Variants in DSCAM observed in about 807,000 individuals in gnomAD.
DSCAM encodes DS cell adhesion molecule.
Under a neutral mutation model 217.7 loss-of-function variants are expected in DSCAM, and 47 were observed. That is an observed-to-expected ratio of 0.22 (90% CI 0.17 to 0.28). The LOEUF is 0.28. Among genes scored for constraint, DSCAM ranks in the 10% least tolerant of loss-of-function variants. The probability of loss-of-function intolerance (pLI) is 1.00; values close to 1 mark genes in which losing one functional copy is unlikely to be tolerated. For missense variants in DSCAM, 2,080 were observed against 2,618.3 expected, an observed-to-expected ratio of 0.79 and a Z score of 4.49; for synonymous variants, 1,056 against 1,015.3, an observed-to-expected ratio of 1.04 and a Z score of -0.76.
At chr21:40,018,888 A>G (rs1157117311) in intron 32 of DSCAM, among the ~76,000 whole-genome samples, 1 of 152,170 alleles carries the variant, frequency 6.6e-6, no homozygotes, top group Non-Finnish European at 1.5e-5. Flanking sequence ...TCTCTGATTG[A>G]TCCAGTTTTT....
intron 5 of DSCAM, among the ~76,000 whole-genome samples, chr21:40,348,425 C>T (rs1447488547): frequency 6.6e-6 from 1 of 152,230 alleles, no homozygotes; most frequent in South Asian, 2.1e-4. Context: ...CTATCAGCCA[C>T]ATTATTGCAA....
chr21:40,250,986 C>T (rs1041404876), intron 11 of DSCAM, among the ~76,000 whole-genome samples: 7 of 152,330 alleles, frequency 4.6e-5, no homozygotes, highest in African/African-American at 1.7e-4. Context: ...ATCTCTATCA[C>T]CTGATATCCT....
chr21:40,280,294 C>G (rs957777604), intron 10 of DSCAM, among the ~76,000 whole-genome samples: 7 of 151,400 alleles, frequency 4.6e-5, no homozygotes, highest in African/African-American at 9.7e-5. Flanking sequence ...CAATCCTCCC[C>G]CCTCAGCCTC....
chr21:40,057,384 G>A (rs1217819591), intron 28 of DSCAM, among the ~76,000 whole-genome samples: 1 of 152,208 alleles, frequency 6.6e-6, no homozygotes, highest in Non-Finnish European at 1.5e-5. Flanking sequence ...TTTACGGCAT[G>A]CTTAGACAAG....
intron 8 of DSCAM, among the ~76,000 whole-genome samples, chr21:40,317,160 G>A (rs2123506820): frequency 6.6e-6 from 1 of 152,336 alleles, no homozygotes; most frequent in East Asian, 1.9e-4. Context: ...CCGAAATGAT[G>A]AGGCTGTGAG....
chr21:40,385,532 A>C (rs1042510628), intron 3 of DSCAM, among the ~76,000 whole-genome samples: 3 of 152,214 alleles, frequency 2.0e-5, no homozygotes, highest in African/African-American at 7.2e-5. Context: ...GCACCCACAT[A>C]AGAGACGTAC....
intron 20 of DSCAM, among the ~76,000 whole-genome samples, chr21:40,109,280 G>A (rs568796991): frequency 1.3e-5 from 2 of 151,876 alleles, no homozygotes; most frequent in Admixed American, 1.3e-4. Flanking sequence ...GCCTTTATAA[G>A]AAACGTAAAC....
chr21:40,319,764 C>T (rs2074239818), intron 8 of DSCAM, among the ~76,000 whole-genome samples: 1 of 152,158 alleles, frequency 6.6e-6, no homozygotes, highest in African/African-American at 2.4e-5. Context: ...TGACCACAGC[C>T]ATACTAACAA....
intron 1 of DSCAM, among the ~76,000 whole-genome samples, chr21:40,737,612 G>A (rs2091078170): frequency 6.6e-6 from 1 of 152,162 alleles, no homozygotes; most frequent in South Asian, 2.1e-4. Context: ...CTTAACTCCA[G>A]CCTAGGCAAA....
chr21:40,254,564 A>T (rs1421060407), intron 11 of DSCAM, among the ~76,000 whole-genome samples: 1 of 152,192 alleles, frequency 6.6e-6, no homozygotes, highest in Non-Finnish European at 1.5e-5. Context: ...GAGGTACATT[A>T]TGACTTAACA....
chr21:40,531,877 G>C (rs2076449695), intron 3 of DSCAM, among the ~76,000 whole-genome samples: 1 of 152,336 alleles, frequency 6.6e-6, no homozygotes, highest in Middle Eastern at 3.4e-3. Context: ...CTGCACAGCT[G>C]TCTATTGTGG....
chr21:40,638,972 TC>T (rs1434646341), intron 3 of DSCAM, among the ~76,000 whole-genome samples: 3 of 152,174 alleles, frequency 2.0e-5, no homozygotes, highest in Non-Finnish European at 2.9e-5. Flanking sequence ...ATCAACATTC[TC>T]AAGATATTTC....
chr21:40,493,722 G>A (rs2146018284), intron 3 of DSCAM, among the ~76,000 whole-genome samples: 1 of 151,728 alleles, frequency 6.6e-6, no homozygotes, highest in Admixed American at 6.6e-5. Flanking sequence ...AATTAGCTGG[G>A]CATGGTGGCA....
chr21:40,478,514 T>G (rs556333691), intron 3 of DSCAM, among the ~76,000 whole-genome samples: 2 of 152,322 alleles, frequency 1.3e-5, no homozygotes, highest in African/African-American at 2.4e-5. Context: ...AAAGTTACAT[T>G]GTACTAAAAT....
chr21:40,058,382 A>T (rs922212262), intron 28 of DSCAM, among the ~76,000 whole-genome samples: 2 of 152,016 alleles, frequency 1.3e-5, no homozygotes, highest in Non-Finnish European at 2.9e-5. Context: ...TCTGCTTGGC[A>T]CTTATTACTC....
At chr21:40,226,234 G>A (rs1024685684) in intron 11 of DSCAM, among the ~76,000 whole-genome samples, 15 of 152,304 alleles carry the variant, frequency 9.8e-5, no homozygotes, top group Admixed American at 3.3e-4. Context: ...CTGCAATAAG[G>A]AACATAGATA....
chr21:40,555,570 T>C (rs1028181276), intron 3 of DSCAM, among the ~76,000 whole-genome samples: 2 of 152,226 alleles, frequency 1.3e-5, no homozygotes, highest in Admixed American at 6.5e-5. Context: ...CTTCCTCATA[T>C]AAAACGTTTA....
At chr21:40,805,439 G>A (rs1444880674) in intron 1 of DSCAM, among the ~76,000 whole-genome samples, 3 of 152,182 alleles carry the variant, frequency 2.0e-5, no homozygotes, top group African/African-American at 7.2e-5. Context: ...AGTCCAGACA[G>A]GAGACTGGAA....
chr21:40,834,409 AAAT>A (rs1161619053), intron 1 of DSCAM, among the ~76,000 whole-genome samples: 5 of 130,854 alleles, frequency 3.8e-5, no homozygotes, highest in Non-Finnish European at 7.9e-5. Flanking sequence ...TCTGTCTCCA[AAAT>A]AATAATAATA....
Sources: allele counts gnomAD v4.1 joint callset (sites outside exome capture counted in the v4.1 genomes callset), GRCh38; gene constraint gnomAD v4.1.1; transcripts MANE v1.5; gene names NCBI Gene and HGNC (gene_info 2026-07-23, HGNC 2026-07-21).